The following RAD23B variants were observed in gnomAD, a reference collection of about 807,000 sequenced individuals.
RAD23B encodes RAD23 nucleotide excision repair protein B, also known as lysine-specific demethylase RAD23B.
A neutral mutation model predicts 49.1 loss-of-function variants in RAD23B; 5 were observed. That is an observed-to-expected ratio of 0.10 (90% confidence interval 0.05 to 0.21). The LOEUF is 0.21. RAD23B is among the 10% of genes least tolerant of loss of function. RAD23B has a pLI of 1.00. For synonymous variants in RAD23B, 184 were observed against 165.4 expected, an observed-to-expected ratio of 1.11 and a Z score of -0.86; for missense variants, 356 against 486.7, an observed-to-expected ratio of 0.73 and a Z score of 2.53.
In RAD23B at chr9:107,309,930, CAA is replaced by C. The variant is rs34745859; in HGVS notation, c.498-1733_498-1732del. ...TGGGCGACAGAGTGAGACTCCATCT[CAA>C]AAAAAAAAAAAAAAAAAACCAATGT... On this transcript the variant is annotated intron_variant, in intron 4 of 9. Transcript: ENST00000358015. 8.7e-3 allele frequency among the ~76,000 whole-genome samples: 655 copies of C among 75,446 alleles called. 1 individual carries two copies. The highest frequency in any genetic ancestry group is 0.027 in the African/African-American group (607 of 22,548). 49.5% of individuals were successfully genotyped at this position (75,446 alleles called of 152,430 possible). A position where few individuals can be genotyped will look rare whatever the true frequency, so the allele number is the denominator to read the frequency against.
intron 1 of RAD23B, among the ~76,000 whole-genome samples, chr9:107,298,667 A>G (rs1315048127): frequency 6.7e-6 from 1 of 149,684 alleles, no homozygotes; most frequent in East Asian, 1.9e-4. Context: ...ACCACATTAG[A>G]AATTAAAACA....
chr9:107,296,619 T>A (rs1410517271), intron 1 of RAD23B, among the ~76,000 whole-genome samples: 3 of 152,026 alleles, frequency 2.0e-5, no homozygotes, highest in African/African-American at 7.2e-5. Context: ...CAGGCTAGAG[T>A]GCAGTGGCAT....
intron 3 of RAD23B, among the ~76,000 whole-genome samples, chr9:107,303,133 G>A (rs1241617266): frequency 6.6e-6 from 1 of 152,104 alleles, no homozygotes; most frequent in Non-Finnish European, 1.5e-5. Context: ...GACAAATGGA[G>A]AAGTGGTACT....
intron 4 of RAD23B, among the ~76,000 whole-genome samples, chr9:107,307,809 G>A (rs942712433): frequency 6.6e-6 from 1 of 152,086 alleles, no homozygotes; most frequent in African/African-American, 2.4e-5. Context: ...AGACAACATG[G>A]GTTTAGGCAA....
chr9:107,320,728 A>G (rs963305738), intron 6 of RAD23B, among the ~76,000 whole-genome samples: 8 of 152,212 alleles, frequency 5.3e-5, no homozygotes, highest in African/African-American at 1.9e-4. Flanking sequence ...AGTTTAATAA[A>G]AGAGAATTTG....
At chr9:107,296,246 A>G (rs1826518287) in intron 1 of RAD23B, among the ~76,000 whole-genome samples, 1 of 152,208 alleles carries the variant, frequency 6.6e-6, no homozygotes, top group South Asian at 2.1e-4. Flanking sequence ...TGTTGGGTCA[A>G]ATCCCCGTGC....
At position 107,331,339 on chromosome 9, in the gene RAD23B, C is replaced by G. The variant is rs751661857; in HGVS notation, c.*1683C>G. ...CCGTCATGGCGAAACCCCGTCTATA[C>G]TAAAAATACAAAAAATAGCCAGGCA... is the stretch of plus-strand genomic sequence containing the variant. On this transcript the variant is annotated 3_prime_UTR_variant, in exon 10 of 10. Coordinates refer to ENST00000358015, the MANE Select transcript of RAD23B (RefSeq NM_002874.5). 2.9e-5 allele frequency: 6 copies of G among 204,522 alleles called. No homozygotes were observed. The highest frequency in any genetic ancestry group is 2.9e-5 in the Non-Finnish European group (3 of 101,906). The allele number at this position is 204,522 out of a possible 1,614,324, so 12.7% of individuals were successfully genotyped here.
chr9:107,305,745 C>T (rs1826749299), intron 3 of RAD23B, among the ~76,000 whole-genome samples: 2 of 151,926 alleles, frequency 1.3e-5, no homozygotes, highest in Admixed American at 1.3e-4. Context: ...ATTTTCCTCC[C>T]TCTTCTAAAA....
At chr9:107,297,720 T>G (rs983913614) in intron 1 of RAD23B, among the ~76,000 whole-genome samples, 3 of 150,206 alleles carry the variant, frequency 2.0e-5, no homozygotes, top group African/African-American at 7.4e-5. Flanking sequence ...TTTTTTTTTT[T>G]GGTCCAGCTT....
rs762445938 is a variant in RAD23B at position 107,306,368 on chromosome 9, A to G, written c.229-11A>G. 2 of 1,603,272 alleles carry G rather than the reference A, an allele frequency of 1.2e-6. No individual in the cohort carries two copies. ...TTTTATTGTAATTATTTTGTCTTTT[A>G]ATGTGTTTAGCCCAAAGCAGTGTCC... On this transcript the variant is annotated splice_polypyrimidine_tract_variant and intron_variant, in intron 3 of 9. Transcript: ENST00000358015.
chr9:107,324,582 G>GT lies in RAD23B; in HGVS notation c.946-245dup, dbSNP rs1168773762. ...TTTTTGTTTGTTTTTTGTTTGTTTT[G>GT]TTTTTTTAAGCACAGGAGGCTCAGA... is the stretch of plus-strand genomic sequence containing the variant. On this transcript the variant is annotated intron_variant, in intron 8 of 9. Coordinates refer to ENST00000358015, the MANE Select transcript of RAD23B (RefSeq NM_002874.5). Among the ~76,000 whole-genome samples the GT allele has an allele frequency of 8.6e-5, 13 of 151,656 alleles. 1 individual carries two copies. The East Asian group carries it at 9.8e-4, about 11-fold the overall frequency.
intron 1 of RAD23B, among the ~76,000 whole-genome samples, chr9:107,290,847 TA>T (rs1196213885): frequency 6.6e-6 from 1 of 152,200 alleles, no homozygotes; most frequent in Non-Finnish European, 1.5e-5. Context: ...GAACAGTGTG[TA>T]AAATCAATGA....
At position 107,301,960 on chromosome 9, in the gene RAD23B, G is replaced by A. The variant is rs1016773582; in HGVS notation, c.149-75G>A. ...TATTTCTGAAATATTCATATTTCGA[G>A]TAGAAAGTTGTTTTAACTGAAGTGT... On this transcript the variant is annotated intron_variant, in intron 2 of 9. Coordinates refer to ENST00000358015, the MANE Select transcript of RAD23B (RefSeq NM_002874.5). The A allele has an allele frequency of 7.1e-6, 11 of 1,542,204 alleles. No individual in the cohort carries two copies. In the African/African-American group the frequency reaches 8.4e-5, roughly 12 times the overall value.
At position 107,306,042 on chromosome 9, in the gene RAD23B, GGTTTATATCT is replaced by G. The variant is rs1486301832; in HGVS notation, c.229-336_229-327del. Among the ~76,000 whole-genome samples, 43 of 59,618 alleles carry G rather than the reference GGTTTATATCT, an allele frequency of 7.2e-4. 1 individual carries two copies. Among genetic ancestry groups the G allele is most frequent in the African/African-American group, 3.1e-3 (38 of 12,344 alleles). 39.1% of individuals were successfully genotyped at this position (59,618 alleles called of 152,430 possible). A position where few individuals can be genotyped will look rare whatever the true frequency, so the allele number is the denominator to read the frequency against. On this transcript the variant is annotated intron_variant, in intron 3 of 9. Transcript: ENST00000358015. ...TAAAGTTTTTTTGGGAAAATGATACGGTTTATATCTATATATATATATATATATATCTATA... is the reference window on the plus strand; with the variant it reads ...TAAAGTTTTTTTGGGAAAATGATACGATATATATATATATATATATCTATA...
intron 1 of RAD23B, among the ~76,000 whole-genome samples, chr9:107,295,036 A>G (rs1435590116): frequency 1.4e-5 from 2 of 144,346 alleles, no homozygotes; most frequent in East Asian, 4.7e-4. Flanking sequence ...GTGTTGCAGA[A>G]TTCAGTGATG....
At chr9:107,284,840 G>C in intron 1 of RAD23B, 1 of 1,230,204 alleles carries the variant, frequency 8.1e-7, no homozygotes, top group South Asian at 1.3e-5. Flanking sequence ...TATGACCTTG[G>C]GCAAATTACG....
Position 107,316,452 on chromosome 9 carries a change from C to G in RAD23B, c.554-2300C>G, listed in dbSNP as rs185699937. Among the ~76,000 whole-genome samples the G allele has an allele frequency of 7.9e-5, 12 of 152,154 alleles. No individual in the cohort carries two copies. In the East Asian group the frequency reaches 2.3e-3, roughly 29 times the overall value. On this transcript the variant is annotated intron_variant, in intron 5 of 9. Coordinates refer to ENST00000358015, the MANE Select transcript of RAD23B (RefSeq NM_002874.5). Reference sequence around the variant, plus strand: ...AGTGCAGTTCTGATTTTTTGTAGCTCGTAATTTCGTTTGTATTGATACTGA... The same window carrying G: ...AGTGCAGTTCTGATTTTTTGTAGCTGGTAATTTCGTTTGTATTGATACTGA...
intron 4 of RAD23B, 112 bp from the exon 5 acceptor site, chr9:107,311,570 T>C (rs1268632770): frequency 2.8e-6 from 2 of 725,108 alleles, no homozygotes; most frequent in Admixed American, 3.3e-5. Context: ...GTCAGACTTT[T>C]ATATTTAATT....
At chr9:107,287,547 C>T (rs7035611) in intron 1 of RAD23B, among the ~76,000 whole-genome samples, 113,840 of 152,184 alleles carry the variant, frequency 0.75, 43,546 homozygotes, top group African/African-American at 0.92. Context: ...TCGTGGTTTA[C>T]CTCTATAATG....
Sources: allele counts gnomAD v4.1 joint callset (sites outside exome capture counted in the v4.1 genomes callset), GRCh38; gene constraint gnomAD v4.1.1; transcripts MANE v1.5; gene names NCBI Gene and HGNC (gene_info 2026-07-23, HGNC 2026-07-21).